Variants in CARMIL1 observed in about 807,000 individuals in gnomAD.
CARMIL1 encodes the protein capping protein regulator and myosin 1 linker 1.
Under a neutral mutation model 177.1 loss-of-function variants are expected in CARMIL1, and 90 were observed. The ratio of observed to expected loss-of-function variants is 0.51; its 90% CI spans 0.43 to 0.61. The LOEUF is 0.61. Ranked by LOEUF, CARMIL1 falls within the 20% of genes least tolerant of loss-of-function variation. The pLI, the probability that CARMIL1 is intolerant of heterozygous loss-of-function variation, is 0.00. For missense variants in CARMIL1, 1,380 were observed against 1,667.0 expected (o/e 0.83, Z 3.00); for synonymous variants, 577 against 606.2 (o/e 0.95, Z 0.71).
intron 29 of CARMIL1, chr6:25,576,913 GT>G: frequency 1.2e-6 from 1 of 802,858 alleles, no homozygotes; most frequent in Non-Finnish European, 1.5e-6. Context: ...CCCTTTCCTA[GT>G]AATGCTGTTG....
chr6:25,553,885 A>G (rs1267048181), intron 27 of CARMIL1, 124 bp from the exon 28 acceptor site: 4 of 662,480 alleles, frequency 6.0e-6, no homozygotes, highest in Non-Finnish European at 1.1e-5. Flanking sequence ...ACACATTCTT[A>G]TATTCCACTT....
chr6:25,514,859 G>T (rs1805811790), intron 20 of CARMIL1, among the ~76,000 whole-genome samples: 1 of 151,934 alleles, frequency 6.6e-6, no homozygotes, highest in South Asian at 2.1e-4. Context: ...AAGAGGTCAA[G>T]GCTGCAGTGA....
chr6:25,386,655 C>T (rs1792192347), intron 2 of CARMIL1, among the ~76,000 whole-genome samples: 1 of 152,058 alleles, frequency 6.6e-6, no homozygotes, highest in African/African-American at 2.4e-5. Context: ...TAACTGTACC[C>T]ACTTCATAGG....
At chr6:25,494,662 T>C (rs1375623908) in intron 15 of CARMIL1, among the ~76,000 whole-genome samples, 1 of 152,258 alleles carries the variant, frequency 6.6e-6, no homozygotes, top group Non-Finnish European at 1.5e-5. Flanking sequence ...TGTGCTGTTT[T>C]AGCTCAACAT....
chr6:25,380,917 G>C (rs1791462765), intron 2 of CARMIL1, among the ~76,000 whole-genome samples: 2 of 152,140 alleles, frequency 1.3e-5, no homozygotes, highest in Non-Finnish European at 2.9e-5. Flanking sequence ...TTGGAAAAGG[G>C]ACTTTTTGAG....
intron 2 of CARMIL1, among the ~76,000 whole-genome samples, chr6:25,366,084 G>A (rs773269985): frequency 3.3e-5 from 5 of 151,606 alleles, no homozygotes; most frequent in Admixed American, 6.6e-5. Flanking sequence ...CTGGAACCTC[G>A]AACTGGGTTC....
intron 2 of CARMIL1, among the ~76,000 whole-genome samples, chr6:25,384,218 G>C (rs1456825192): frequency 6.6e-6 from 1 of 152,210 alleles, no homozygotes. Flanking sequence ...TTTGAGGACA[G>C]AGCCTGAGGC....
In CARMIL1 at chr6:25,351,230, G is replaced by A. The variant is rs889596750; in HGVS notation, c.138+66321G>A. The stretch of plus-strand genomic sequence containing the variant: ...AAAGACCTACTGTGAAACAAAGGAT[G>A]TAAAATGTCTCATTAATAATTTTTT... On this transcript the variant is annotated intron_variant, in intron 2 of 36. Transcript: ENST00000329474. Among the ~76,000 whole-genome samples the A allele has an allele frequency of 4.0e-5, 6 of 150,986 alleles. No individual in the cohort carries two copies. The South Asian group carries it at 1.3e-3, about 32-fold the overall frequency.
chr6:25,606,711 A>G (rs1201139066), intron 35 of CARMIL1, among the ~76,000 whole-genome samples: 3 of 152,190 alleles, frequency 2.0e-5, no homozygotes, highest in Non-Finnish European at 4.4e-5. Flanking sequence ...TCTATGATAT[A>G]ACAAGGGTTT....
intron 3 of CARMIL1, chr6:25,420,428 G>T: frequency 2.6e-6 from 1 of 385,362 alleles, no homozygotes; most frequent in South Asian, 4.1e-5. Flanking sequence ...CCCTCTCTTT[G>T]TGTAAAGGCA....
intron 8 of CARMIL1, among the ~76,000 whole-genome samples, chr6:25,462,058 A>G (rs1800167210): frequency 6.6e-6 from 1 of 152,082 alleles, no homozygotes; most frequent in African/African-American, 2.4e-5. Context: ...TTCTTTATGC[A>G]TTTTGGATAC....
At chr6:25,308,262 T>C (rs933173689) in intron 2 of CARMIL1, among the ~76,000 whole-genome samples, 42 of 152,284 alleles carry the variant, frequency 2.8e-4, no homozygotes, top group African/African-American at 9.6e-4. Context: ...CTGTGGAGTA[T>C]GATAAAACTT....
intron 2 of CARMIL1, among the ~76,000 whole-genome samples, chr6:25,411,199 C>A (rs946262412): frequency 2.0e-5 from 3 of 152,154 alleles, no homozygotes; most frequent in Non-Finnish European, 4.4e-5. Context: ...CTATGCAGAC[C>A]TGTGAGTCCC....
chr6:25,471,484 T>G (rs1801098656), intron 10 of CARMIL1, among the ~76,000 whole-genome samples: 1 of 152,162 alleles, frequency 6.6e-6, no homozygotes, highest in Non-Finnish European at 1.5e-5. Context: ...GAGTACATAG[T>G]ATAGTTTTTA....
In CARMIL1 at chr6:25,326,203, T is replaced by C. The variant is rs189843946; in HGVS notation, c.138+41294T>C. ...ATTTTTGAGAAAATAACATTTAAGA[T>C]GAGGCCTGAAGGAAAATAGTGCCAG... On this transcript the variant is annotated intron_variant, in intron 2 of 36. Coordinates refer to ENST00000329474, the MANE Select transcript of CARMIL1 (RefSeq NM_017640.6). The surrounding 1 kb of genome is among the most constrained non-coding windows in gnomAD (Gnocchi z 4.2). 8.5e-5 allele frequency among the ~76,000 whole-genome samples: 13 copies of C among 152,148 alleles called. No individual in the cohort carries two copies. In the East Asian group the frequency reaches 2.5e-3, roughly 29 times the overall value.
intron 12 of CARMIL1, among the ~76,000 whole-genome samples, chr6:25,485,314 AG>A (rs1802528000): frequency 6.6e-6 from 1 of 152,196 alleles, no homozygotes; most frequent in Non-Finnish European, 1.5e-5. Context: ...TTTACAAATA[AG>A]GGTCCTCCCA....
intron 26 of CARMIL1, among the ~76,000 whole-genome samples, chr6:25,549,370 G>A (rs899595978): frequency 3.9e-5 from 6 of 152,070 alleles, no homozygotes; most frequent in African/African-American, 1.2e-4. Flanking sequence ...CAGGAGTGCC[G>A]GACTATTACT....
chr6:25,430,699 G>A (rs1322888162), intron 4 of CARMIL1, among the ~76,000 whole-genome samples: 1 of 152,110 alleles, frequency 6.6e-6, no homozygotes, highest in Non-Finnish European at 1.5e-5. Context: ...CCAAAGTACT[G>A]GGATTACAGG....
rs112619041 is a variant in CARMIL1 at position 25,379,347 on chromosome 6, G to A, written c.139-40767G>A. Among the ~76,000 whole-genome samples the A allele has an allele frequency of 3.3e-3, 496 of 152,278 alleles. 1 individual carries two copies. The highest frequency in any genetic ancestry group is 9.1e-3 in the African/African-American group (380 of 41,564). ...GAGTTGGGATTGGGGCCACTGTGTT[G>A]TACAATGCCAGGGAACACCATTTAC... On this transcript the variant is annotated intron_variant, in intron 2 of 36. Transcript: ENST00000329474.
Sources: allele counts gnomAD v4.1 joint callset (sites outside exome capture counted in the v4.1 genomes callset), GRCh38; gene constraint gnomAD v4.1.1; non-coding constraint Gnocchi (gnomAD v3.1); transcripts MANE v1.5; gene names NCBI Gene and HGNC (gene_info 2026-07-23, HGNC 2026-07-21).